The following PTPRN2 variants were observed in gnomAD, a reference collection of about 807,000 sequenced individuals.
The protein encoded by PTPRN2 is protein tyrosine phosphatase receptor type N2, also known as receptor-type tyrosine-protein phosphatase N2.
Under a neutral mutation model 118.8 loss-of-function variants are expected in PTPRN2, and 74 were observed. The ratio of observed to expected loss-of-function variants is 0.62; its 90% CI spans 0.52 to 0.76. The LOEUF (loss-of-function observed/expected upper bound fraction) is 0.76, where lower values mean the gene tolerates loss of function less well. Ranked by LOEUF, PTPRN2 falls within the 30% of genes least tolerant of loss-of-function variation. PTPRN2 has a pLI of 0.00. For synonymous variants in PTPRN2, 641 were observed against 608.0 expected (o/e 1.05, Z -0.80); for missense variants, 1,481 against 1,394.4 (o/e 1.06, Z -0.99).
intron 1 of PTPRN2, among the ~76,000 whole-genome samples, chr7:158,557,017 C>T (rs1827066298): frequency 7.9e-6 from 1 of 127,330 alleles, no homozygotes; most frequent in Non-Finnish European, 1.6e-5. Flanking sequence ...ACGCAGGTCG[C>T]TCCCACGCAG....
At chr7:158,341,026 C>G (rs1314717263) in intron 2 of PTPRN2, among the ~76,000 whole-genome samples, 18 of 12,346 alleles carry the variant, frequency 1.5e-3, no homozygotes, top group South Asian at 5.4e-3. Context: ...GTCACTCACA[C>G]CCACACTCAC....
rs186712536 is a variant in PTPRN2 at position 158,332,366 on chromosome 7, C to G, written c.164-15434G>C. 6.5e-4 allele frequency among the ~76,000 whole-genome samples: 74 copies of G among 113,216 alleles called. 5 individuals are homozygous for G. The highest frequency in any genetic ancestry group is 2.0e-3 in the African/African-American group (70 of 34,880). The allele number at this position is 113,216 out of a possible 152,430, so 74.3% of individuals were successfully genotyped here. A position where few individuals can be genotyped will look rare whatever the true frequency, so the allele number is the denominator to read the frequency against. ...GAGGACACTCACACCCACACTCTCA[C>G]CATAAGAGGTGACACCTGCAGATGT... is the stretch of plus-strand genomic sequence containing the variant. On this transcript the variant is annotated intron_variant, in intron 2 of 22. Transcript: ENST00000389418.
intron 6 of PTPRN2, among the ~76,000 whole-genome samples, chr7:158,145,582 C>T (rs371179821): frequency 1.4e-4 from 22 of 152,312 alleles, no homozygotes; most frequent in African/African-American, 3.4e-4. Flanking sequence ...CCATCAGGCA[C>T]GGCGGGAAAG....
At chr7:157,576,582 C>A in intron 19 of PTPRN2, 31 bp downstream of exon 19, 1 of 1,585,582 alleles carries the variant, frequency 6.3e-7, no homozygotes, top group Non-Finnish European at 8.6e-7. Flanking sequence ...GCTCAGCGCG[C>A]ACTGCCCTGC....
intron 5 of PTPRN2, among the ~76,000 whole-genome samples, chr7:158,180,195 G>A (rs984583290): frequency 2.6e-5 from 4 of 152,210 alleles, no homozygotes; most frequent in Non-Finnish European, 5.9e-5. Flanking sequence ...TCTACATGTG[G>A]CTATCCAGTT....
At chr7:158,063,911 C>T (rs988131712) in intron 11 of PTPRN2, among the ~76,000 whole-genome samples, 1 of 152,208 alleles carries the variant, frequency 6.6e-6, no homozygotes, top group Non-Finnish European at 1.5e-5. Context: ...GACCATTCTA[C>T]ACACTTACAC....
chr7:158,516,322 A>G (rs1171903862), intron 1 of PTPRN2, among the ~76,000 whole-genome samples: 1 of 152,260 alleles, frequency 6.6e-6, no homozygotes, highest in East Asian at 1.9e-4. Context: ...TCTAAAAAAC[A>G]CATAATTTAA....
chr7:157,842,199 C>T (rs190712903), intron 12 of PTPRN2, among the ~76,000 whole-genome samples: 2 of 152,232 alleles, frequency 1.3e-5, no homozygotes, highest in Admixed American at 6.5e-5. Context: ...TGAATCGGTG[C>T]TGCTGCATCA....
At chr7:158,178,021 C>T (rs1330282142) in intron 5 of PTPRN2, among the ~76,000 whole-genome samples, 2 of 152,176 alleles carry the variant, frequency 1.3e-5, no homozygotes, top group Non-Finnish European at 2.9e-5. Context: ...CTTGCCAATA[C>T]ATAGGATGGT....
At chr7:158,485,164 G>C (rs1820917521) in intron 2 of PTPRN2, among the ~76,000 whole-genome samples, 1 of 152,066 alleles carries the variant, frequency 6.6e-6, no homozygotes, top group African/African-American at 2.4e-5. Flanking sequence ...GAGACACGGA[G>C]CCGACAGGTG....
intron 2 of PTPRN2, among the ~76,000 whole-genome samples, chr7:158,376,930 C>T (rs1331016421): frequency 0.049 from 275 of 5,612 alleles, 23 homozygotes; most frequent in African/African-American, 0.12. Flanking sequence ...GTCCTGCACG[C>T]GGGGTCAGGG....
intron 1 of PTPRN2, among the ~76,000 whole-genome samples, chr7:158,521,815 G>A (rs1182493685): frequency 1.9e-4 from 13 of 68,842 alleles, no homozygotes; most frequent in East Asian, 6.0e-4. Flanking sequence ...GCTCGGGAGG[G>A]AGGTCCACGT....
At chr7:157,890,586 G>A (rs1796741371) in intron 12 of PTPRN2, among the ~76,000 whole-genome samples, 1 of 152,236 alleles carries the variant, frequency 6.6e-6, no homozygotes, top group Non-Finnish European at 1.5e-5. Flanking sequence ...AGCTTGCAGT[G>A]AGCTGAGATT....
rs186205335 is a variant in PTPRN2 at position 157,881,121 on chromosome 7, A to G, written c.1788+17552T>C. Among the ~76,000 whole-genome samples the G allele has an allele frequency of 1.1e-3, 156 of 146,792 alleles. No homozygotes were observed. The highest frequency in any genetic ancestry group is 1.7e-3 in the Non-Finnish European group (113 of 65,506). ...GGGGGTGTTTACAGTAGTCATTATG[A>G]TAAAATGAAGTCATGAGGGTATGTG... On this transcript the variant is annotated intron_variant, in intron 12 of 22. Coordinates refer to ENST00000389418, the MANE Select transcript of PTPRN2 (RefSeq NM_002847.5). The surrounding 1 kb of genome is among the most constrained non-coding windows in gnomAD (Gnocchi z 4.7).
intron 13 of PTPRN2, among the ~76,000 whole-genome samples, chr7:157,680,605 A>G (rs1365961884): frequency 2.0e-5 from 3 of 152,224 alleles, no homozygotes; most frequent in Non-Finnish European, 4.4e-5. Context: ...CCGCCAAAAC[A>G]CAAATCACAA....
At chr7:158,368,066 C>T (rs1184187547) in intron 2 of PTPRN2, among the ~76,000 whole-genome samples, 3 of 152,134 alleles carry the variant, frequency 2.0e-5, no homozygotes, top group Admixed American at 6.6e-5. Context: ...CAGAAGTCAC[C>T]GAGCATTTTA....
chr7:158,547,081 G>T (rs1826334637), intron 1 of PTPRN2, among the ~76,000 whole-genome samples: 1 of 152,200 alleles, frequency 6.6e-6, no homozygotes, highest in South Asian at 2.1e-4. Context: ...GATGTCAGGG[G>T]TTCTGTGCAG....
intron 11 of PTPRN2, among the ~76,000 whole-genome samples, chr7:157,909,469 G>A (rs1016491157): frequency 6.6e-6 from 1 of 152,220 alleles, no homozygotes; most frequent in South Asian, 2.1e-4. Flanking sequence ...CCCACAGTGA[G>A]GTCTACAGTC....
intron 3 of PTPRN2, among the ~76,000 whole-genome samples, chr7:158,226,364 G>T (rs1334798232): frequency 1.3e-5 from 2 of 152,202 alleles, no homozygotes; most frequent in African/African-American, 2.4e-5. Context: ...AGAGAGGTTG[G>T]CTAGGTCACT....
Sources: allele counts gnomAD v4.1 joint callset (sites outside exome capture counted in the v4.1 genomes callset), GRCh38; gene constraint gnomAD v4.1.1; non-coding constraint Gnocchi (gnomAD v3.1); transcripts MANE v1.5; gene names NCBI Gene and HGNC (gene_info 2026-07-23, HGNC 2026-07-21).